The following GPR143 variants were observed in gnomAD, a reference collection of about 807,000 sequenced individuals.
The protein encoded by GPR143 is G-protein coupled receptor 143.
Under a neutral mutation model 27.6 loss-of-function variants are expected in GPR143, and 8 were observed. The ratio of observed to expected loss-of-function variants is 0.29; its 90% CI spans 0.17 to 0.52. The LOEUF (loss-of-function observed/expected upper bound fraction) is 0.52, where lower values mean the gene tolerates loss of function less well. Ranked by LOEUF, GPR143 falls within the 20% of genes least tolerant of loss-of-function variation. The probability of loss-of-function intolerance (pLI) is 0.96; values close to 1 mark genes in which losing one functional copy is unlikely to be tolerated. For synonymous variants in GPR143, 156 were observed against 153.2 expected (o/e 1.02, Z -0.13); for missense variants, 303 against 343.1 (o/e 0.88, Z 0.92).
chrX:9,762,556 G>A (rs895898451), intron 1 of GPR143, among the ~76,000 whole-genome samples: 4 of 111,251 alleles, frequency 3.6e-5, no homozygotes, highest in East Asian at 5.7e-4. Context: ...CACACCATGC[G>A]ATACACCACT....
chrX:9,740,231 G>A (rs960211453), intron 7 of GPR143, among the ~76,000 whole-genome samples: 6 of 111,861 alleles, frequency 5.4e-5, no homozygotes, highest in Non-Finnish European at 9.4e-5. Flanking sequence ...AGGCTCAGAC[G>A]GAGTCTGGGA....
chrX:9,773,179 A>C (rs2083560219), intron 1 of GPR143, among the ~76,000 whole-genome samples: 1 of 111,988 alleles, frequency 8.9e-6, no homozygotes, highest in Non-Finnish European at 1.9e-5. Flanking sequence ...CATGGTGAGA[A>C]TCGTTCTCAC....
At position 9,758,754 on chromosome X, in the gene GPR143, C is replaced by T. The variant is rs181496514; in HGVS notation, c.455+578G>A. Among the ~76,000 whole-genome samples, 9 of 110,803 alleles carry T rather than the reference C, an allele frequency of 8.1e-5. No individual in the cohort carries two copies. The East Asian group carries it at 2.6e-3, about 32-fold the overall frequency. ...ATAAAATTAGCCAGGTTTGGTGGCA[C>T]ATGTCTGTAGTCCCAGCTACAGACT... On this transcript the variant is annotated intron_variant, in intron 3 of 8. Transcript: ENST00000467482.
intron 4 of GPR143, among the ~76,000 whole-genome samples, chrX:9,747,098 C>T (rs2083432177): frequency 9.3e-6 from 1 of 107,923 alleles, no homozygotes; most frequent in African/African-American, 3.4e-5. Context: ...ACTATACCAC[C>T]TCTCAACGCT....
upstream of GPR143, among the ~76,000 whole-genome samples, chrX:9,770,964 G>A (rs1156485699): frequency 1.8e-5 from 2 of 111,948 alleles, no homozygotes; most frequent in Non-Finnish European, 3.8e-5. Context: ...TAGATTCTGT[G>A]TCCAATAAAT....
chrX:9,750,137 T>C (rs1397725041), intron 3 of GPR143, among the ~76,000 whole-genome samples: 1 of 112,518 alleles, frequency 8.9e-6, no homozygotes, highest in East Asian at 2.8e-4. Context: ...CAATGGACAT[T>C]TAGGTTGTTT....
At chrX:9,751,492 G>A (rs2083451234) in intron 3 of GPR143, among the ~76,000 whole-genome samples, 1 of 112,509 alleles carries the variant, frequency 8.9e-6, no homozygotes, top group Non-Finnish European at 1.9e-5. Context: ...CTGTCAGCAC[G>A]TGCGAAGGTA....
intron 3 of GPR143, among the ~76,000 whole-genome samples, chrX:9,754,073 C>T (rs1409922559): frequency 9.0e-6 from 1 of 111,107 alleles, no homozygotes; most frequent in Non-Finnish European, 1.9e-5. Context: ...TCTGATGGGA[C>T]GAGGTGGGGT....
upstream of GPR143, among the ~76,000 whole-genome samples, chrX:9,770,136 A>C (rs2083548034): frequency 1.4e-5 from 1 of 71,271 alleles, no homozygotes; most frequent in African/African-American, 5.6e-5. Flanking sequence ...ACATAGGGAG[A>C]CCCTGTCCCC....
intron 6 of GPR143, among the ~76,000 whole-genome samples, chrX:9,742,572 A>C (rs1182476587): frequency 8.9e-6 from 1 of 112,234 alleles, no homozygotes; most frequent in African/African-American, 3.2e-5. Context: ...CCCTGCCTGC[A>C]AGGTACTGAT....
intron 3 of GPR143, among the ~76,000 whole-genome samples, chrX:9,756,773 A>G (rs906340450): frequency 4.4e-5 from 5 of 112,522 alleles, no homozygotes; most frequent in African/African-American, 1.6e-4. Context: ...CCCTCACATT[A>G]CTGCTAGAAT....
At chrX:9,754,078 T>A (rs2083463639) in intron 3 of GPR143, among the ~76,000 whole-genome samples, 1 of 110,792 alleles carries the variant, frequency 9.0e-6, no homozygotes, top group Non-Finnish European at 1.9e-5. Context: ...TGGGACGAGG[T>A]GGGGTAGGGG....
intron 1 of GPR143, among the ~76,000 whole-genome samples, chrX:9,764,205 C>G (rs2083516082): frequency 9.0e-6 from 1 of 111,068 alleles, no homozygotes; most frequent in African/African-American, 3.3e-5. Flanking sequence ...GTGGGAGGAT[C>G]GCTTGAACCC....
At chrX:9,733,461 G>C (rs2083364804) in intron 8 of GPR143, among the ~76,000 whole-genome samples, 1 of 111,011 alleles carries the variant, frequency 9.0e-6, no homozygotes, top group African/African-American at 3.3e-5. Context: ...TCAAGGTACT[G>C]TGTAACAGAA....
At chrX:9,728,413 A>ATT (rs199879765) in intron 8 of GPR143, among the ~76,000 whole-genome samples, 1 of 106,565 alleles carries the variant, frequency 9.4e-6, no homozygotes, top group Non-Finnish European at 1.9e-5. Flanking sequence ...AAAAAAAAAA[A>ATT]TTAGAGTTAT....
chrX:9,728,854 C>A (rs996091846), intron 8 of GPR143, among the ~76,000 whole-genome samples: 1 of 109,462 alleles, frequency 9.1e-6, no homozygotes, highest in African/African-American at 3.3e-5. Flanking sequence ...TCCTCCAACA[C>A]ATACACATGC....
upstream of GPR143, among the ~76,000 whole-genome samples, chrX:9,766,466 C>T (rs2083533776): frequency 8.9e-6 from 1 of 112,220 alleles, no homozygotes; most frequent in African/African-American, 3.2e-5. Context: ...TAGCTCACAC[C>T]TGTAATCCCA....
chrX:9,742,415 T>C (rs1002421009), intron 6 of GPR143, among the ~76,000 whole-genome samples: 1 of 111,350 alleles, frequency 9.0e-6, no homozygotes, highest in Non-Finnish European at 1.9e-5. Context: ...ACTATAGGCA[T>C]GTGCCACCAT....
At chrX:9,775,297 TAAG>T (rs1214146274) in intron 1 of GPR143, among the ~76,000 whole-genome samples, 3 of 111,800 alleles carry the variant, frequency 2.7e-5, no homozygotes, top group Non-Finnish European at 5.6e-5. Context: ...AAATGGTGCC[TAAG>T]GGTAGAACTT....
Sources: gnomAD v4.1 joint callset for allele counts (sites outside exome capture counted in the v4.1 genomes callset) on GRCh38, gnomAD v4.1.1 for gene constraint, MANE v1.5 for transcripts, NCBI Gene and HGNC (gene_info 2026-07-23, HGNC 2026-07-21) for gene names.